Variants in CSTF3 observed in about 807,000 individuals in gnomAD.
CSTF3 encodes CF-1 77 kDa subunit.
Under a neutral mutation model 105.8 loss-of-function variants are expected in CSTF3, and 29 were observed. The ratio of observed to expected loss-of-function variants is 0.27; its 90% CI spans 0.20 to 0.37. CSTF3 has a LOEUF of 0.37. Ranked by LOEUF, CSTF3 falls within the 10% of genes least tolerant of loss-of-function variation. The pLI is 1.00. For synonymous variants in CSTF3, 252 were observed against 281.9 expected, an observed-to-expected ratio of 0.89 and a Z score of 1.06; for missense variants, 357 against 879.3, an observed-to-expected ratio of 0.41 and a Z score of 7.51.
rs1855085123 is a variant in CSTF3 at position 33,084,786 on chromosome 11, TCA to T, written c.*299_*300del. On this transcript the variant is annotated 3_prime_UTR_variant, in exon 21 of 21. Transcript: ENST00000323959. Reference sequence around the variant, plus strand: ...TTTTAAAATAAAACTGTTGAAAAACTCACAAATCTTCAAGCGGCACATACAAG... The same window carrying T: ...TTTTAAAATAAAACTGTTGAAAAACTCAAATCTTCAAGCGGCACATACAAG... 2.8e-6 allele frequency: 1 copy of T among 351,754 alleles called. No individual in the cohort carries two copies. Among genetic ancestry groups the T allele is most frequent in the East Asian group, 5.7e-5 (1 of 17,510 alleles). The allele number at this position is 351,754 out of a possible 1,614,324, so 21.8% of individuals were successfully genotyped here.
At chr11:33,127,995 T>A (rs769598473) in intron 3 of CSTF3, among the ~76,000 whole-genome samples, 63 of 152,282 alleles carry the variant, frequency 4.1e-4, no homozygotes, top group Non-Finnish European at 7.4e-4. Flanking sequence ...ATTTAAAAAA[T>A]TCATATAAAA....
intron 1 of CSTF3, among the ~76,000 whole-genome samples, chr11:33,149,937 T>C (rs962956444): frequency 1.3e-5 from 2 of 152,126 alleles, no homozygotes; most frequent in Non-Finnish European, 2.9e-5. Flanking sequence ...GAGAATTGCT[T>C]GAATCCAGGA....
chr11:33,134,068 C>T (rs1855627617), intron 3 of CSTF3, among the ~76,000 whole-genome samples: 1 of 152,158 alleles, frequency 6.6e-6, no homozygotes, highest in African/African-American at 2.4e-5. Context: ...TCAATGCAAT[C>T]TCCTATAGTT....
At chr11:33,133,177 A>T (rs1167971190) in intron 3 of CSTF3, among the ~76,000 whole-genome samples, 3 of 152,212 alleles carry the variant, frequency 2.0e-5, no homozygotes, top group South Asian at 2.1e-4. Flanking sequence ...TTCAAACACA[A>T]TAAAGTTTGA....
intron 1 of CSTF3, among the ~76,000 whole-genome samples, chr11:33,157,023 G>A (rs1374690594): frequency 6.6e-6 from 1 of 151,950 alleles, no homozygotes; most frequent in Non-Finnish European, 1.5e-5. Flanking sequence ...ATAGACCTAA[G>A]AATGAGATCA....
intron 15 of CSTF3, among the ~76,000 whole-genome samples, chr11:33,094,340 G>C (rs1435280603): frequency 1.3e-5 from 2 of 152,182 alleles, no homozygotes; most frequent in African/African-American, 4.8e-5. Flanking sequence ...CTATGCTACA[G>C]TGAAACATCA....
At chr11:33,085,657 T>A in intron 20 of CSTF3, 56 bp downstream of exon 20, 1 of 1,428,128 alleles carries the variant, frequency 7.0e-7, no homozygotes, top group South Asian at 1.2e-5. Flanking sequence ...TAATCTCTAC[T>A]GCCTATGAGA....
chr11:33,141,631 A>T (rs1482248025), intron 3 of CSTF3, 36 bp downstream of exon 3: 2 of 1,585,982 alleles, frequency 1.3e-6, no homozygotes, highest in Non-Finnish European at 1.7e-6. Flanking sequence ...GAATGCTGCA[A>T]TACTGATATA....
chr11:33,139,155 T>C (rs1855684000), intron 3 of CSTF3, among the ~76,000 whole-genome samples: 1 of 151,938 alleles, frequency 6.6e-6, no homozygotes, highest in South Asian at 2.1e-4. Flanking sequence ...TTAATACTTT[T>C]TTCCTTTGAC....
chr11:33,103,032 T>C (rs925379888), intron 9 of CSTF3, 75 bp downstream of exon 9: 1 of 950,764 alleles, frequency 1.1e-6, no homozygotes, highest in Admixed American at 2.7e-5. Flanking sequence ...TCAAGAGTAA[T>C]ACCAGACAGG....
intron 1 of CSTF3, among the ~76,000 whole-genome samples, chr11:33,153,156 A>ATT (rs1264722441): frequency 5.3e-5 from 8 of 152,128 alleles, no homozygotes; most frequent in Non-Finnish European, 7.3e-5. Flanking sequence ...TTACATTTTC[A>ATT]TGATCTTTTA....
chr11:33,122,048 T>TC (rs1246756902), intron 3 of CSTF3, among the ~76,000 whole-genome samples: 1 of 152,162 alleles, frequency 6.6e-6, no homozygotes, highest in East Asian at 1.9e-4. Context: ...CTTTCTGTTC[T>TC]CCCCATATCC....
At chr11:33,159,167 G>A (rs1849904171) in intron 1 of CSTF3, among the ~76,000 whole-genome samples, 1 of 152,118 alleles carries the variant, frequency 6.6e-6, no homozygotes, top group Non-Finnish European at 1.5e-5. Context: ...AAATAAACAT[G>A]CGTGGACCAG....
At position 33,107,823 on chromosome 11, in the gene CSTF3, T is replaced by A. The variant is rs370877729; in HGVS notation, c.356+80A>T. On this transcript the variant is annotated intron_variant, in intron 5 of 20. Transcript: ENST00000323959. ...CCTGATAATTCTTCCCACTTGGGGCTAACAGAAGGTGTGAGTTTATGTGGG... is the reference window on the plus strand; with the variant it reads ...CCTGATAATTCTTCCCACTTGGGGCAAACAGAAGGTGTGAGTTTATGTGGG... 4.0e-6 allele frequency: 3 copies of A among 745,180 alleles called. No homozygotes were observed. In the East Asian group the frequency reaches 8.5e-5, roughly 21 times the overall value. 46.2% of individuals were successfully genotyped at this position (745,180 alleles called of 1,614,324 possible).
chr11:33,125,965 T>C (rs958919538), intron 3 of CSTF3, among the ~76,000 whole-genome samples: 6 of 152,208 alleles, frequency 3.9e-5, no homozygotes, highest in Non-Finnish European at 8.8e-5. Context: ...TTAGCTGTTT[T>C]CAGTGAGAGA....
intron 3 of CSTF3, among the ~76,000 whole-genome samples, chr11:33,132,518 C>T (rs912227456): frequency 1.3e-5 from 2 of 152,170 alleles, no homozygotes; most frequent in Admixed American, 6.6e-5. Flanking sequence ...TGAACAACTG[C>T]GCCCAGCCAG....
At chr11:33,157,293 T>G (rs1370937600) in intron 1 of CSTF3, among the ~76,000 whole-genome samples, 1 of 152,108 alleles carries the variant, frequency 6.6e-6, no homozygotes, top group Non-Finnish European at 1.5e-5. Flanking sequence ...AGGCGGAGGT[T>G]GCAGTGAGCC....
intron 17 of CSTF3, among the ~76,000 whole-genome samples, chr11:33,088,974 TAGCTTTTTCTAGCAATTGCACAA>T (rs1375781865): frequency 6.6e-6 from 1 of 152,212 alleles, no homozygotes; most frequent in African/African-American, 2.4e-5. Flanking sequence ...AAAGTTGAAA[TAGCTTTTTCTAGCAATTGCACAA>T]AGTACAGTAA....
chr11:33,159,589 C>A (rs1396017426), intron 1 of CSTF3, among the ~76,000 whole-genome samples: 10 of 94,190 alleles, frequency 1.1e-4, no homozygotes, highest in Non-Finnish European at 1.8e-4. Flanking sequence ...GAGCAAGGCT[C>A]CATCTCAAAA....
Sources: gnomAD v4.1 joint callset for allele counts (sites outside exome capture counted in the v4.1 genomes callset) on GRCh38, gnomAD v4.1.1 for gene constraint, MANE v1.5 for transcripts, NCBI Gene and HGNC (gene_info 2026-07-23, HGNC 2026-07-21) for gene names.